Variants in VAV2 observed in about 807,000 individuals in gnomAD.
VAV2 encodes the protein guanine nucleotide exchange factor VAV2.
Under a neutral mutation model 132.5 loss-of-function variants are expected in VAV2, and 67 were observed. That is an observed-to-expected ratio of 0.51 (90% confidence interval 0.42 to 0.62). The LOEUF (loss-of-function observed/expected upper bound fraction) is 0.62, where lower values mean the gene tolerates loss of function less well. VAV2 is among the 20% of genes least tolerant of loss of function. The probability of loss-of-function intolerance (pLI) is 0.00; values close to 1 mark genes in which losing one functional copy is unlikely to be tolerated. For missense variants in VAV2, 938 were observed against 1,153.6 expected, an observed-to-expected ratio of 0.81 and a Z score of 2.71; for synonymous variants, 492 against 443.5, an observed-to-expected ratio of 1.11 and a Z score of -1.37.
rs138916685 is a variant in VAV2, at chr9:133,763,876, G to A, written c.*186C>T. ...ACAATAGCATACCCAGTGATGGGTC[G>A]CCGAGGGCAGGCTGACAGTGAAACG... On this transcript the variant is annotated 3_prime_UTR_variant, in exon 30 of 30. Coordinates refer to ENST00000371850, the MANE Select transcript of VAV2 (RefSeq NM_001134398.2). This position sits in a 1 kb window ranked among gnomAD's most constrained non-coding sequence, Gnocchi z 6.8. 115 of 687,596 alleles carry A rather than the reference G, an allele frequency of 1.7e-4. No homozygotes were observed. Among genetic ancestry groups the A allele is most frequent in the South Asian group, 6.2e-4 (35 of 56,038 alleles). The allele number at this position is 687,596 out of a possible 1,614,324, so 42.6% of individuals were successfully genotyped here.
intron 1 of VAV2, among the ~76,000 whole-genome samples, chr9:133,982,484 G>A (rs904998378): frequency 2.6e-5 from 4 of 151,022 alleles, no homozygotes; most frequent in East Asian, 2.0e-4. Flanking sequence ...CCCCAAGAGG[G>A]GGCCTAGGAT....
At position 133,973,514 on chromosome 9, in the gene VAV2, G is replaced by A. The variant is rs147715595; in HGVS notation, c.204+18561C>T. Among the ~76,000 whole-genome samples the A allele has an allele frequency of 9.9e-5, 15 of 152,166 alleles. 1 individual carries two copies. The highest frequency in any genetic ancestry group is 4.4e-5 in the Non-Finnish European group (3 of 68,038). On this transcript the variant is annotated intron_variant, in intron 1 of 29. Coordinates refer to ENST00000371850, the MANE Select transcript of VAV2 (RefSeq NM_001134398.2). ...CTCTCCCCGGAAGGCCATCTGCAAA[G>A]GGCAGCGGTGCAGAAAACCACTCCC...
intron 2 of VAV2, among the ~76,000 whole-genome samples, chr9:133,866,173 C>G (rs1420388530): frequency 6.6e-6 from 1 of 152,216 alleles, no homozygotes; most frequent in Non-Finnish European, 1.5e-5. Flanking sequence ...GGGTGGGGAG[C>G]CAAGCTGGCC....
Position 133,863,418 on chromosome 9 carries a change from C to G in VAV2, c.322-1986G>C, listed in dbSNP as rs1338826797. On this transcript the variant is annotated intron_variant, in intron 2 of 29. Coordinates refer to ENST00000371850, the MANE Select transcript of VAV2 (RefSeq NM_001134398.2). This position sits in a 1 kb window ranked among gnomAD's most constrained non-coding sequence, Gnocchi z 5.0. ...TCAGCGCAAAGGCCCCAGGTCGGGT[C>G]GTACAGATGGAACCGGGTCGTACAG... 7.2e-6 allele frequency among the ~76,000 whole-genome samples: 1 copy of G among 138,918 alleles called. No homozygotes were observed. The highest frequency in any genetic ancestry group is 1.5e-5 in the Non-Finnish European group (1 of 67,376). The allele number at this position is 138,918 out of a possible 152,430, so 91.1% of individuals were successfully genotyped here.
chr9:133,944,260 T>C (rs961634119), intron 1 of VAV2, among the ~76,000 whole-genome samples: 2 of 151,450 alleles, frequency 1.3e-5, no homozygotes, highest in Non-Finnish European at 2.9e-5. Context: ...TGCCCCTTAC[T>C]GGCAACGGGT....
At chr9:133,905,084 G>A (rs1839592900) in intron 2 of VAV2, among the ~76,000 whole-genome samples, 1 of 152,148 alleles carries the variant, frequency 6.6e-6, no homozygotes, top group Non-Finnish European at 1.5e-5. Flanking sequence ...CAGCTGCCCT[G>A]TGCAAAGTCA....
rs774443032 is a variant in VAV2, at chr9:133,770,417, G to A, written c.2308C>T (p.Arg770Trp). Residue 770 changes from arginine to tryptophan, a missense_variant, in exon 27 of 30, where the codon CGG becomes TGG. Coordinates refer to ENST00000371850, the MANE Select transcript of VAV2 (RefSeq NM_001134398.2). ...GAGGCCCTGGAGGCCGAACGTTCCC[G>A]GGACTTGTAGGGGTACTTGAGTGTG... ...DTTLKYPYKSRERSASRASSR... is the reference protein window; with the variant it reads ...DTTLKYPYKSWERSASRASSR... The A allele has an allele frequency of 2.4e-5, 39 of 1,614,022 alleles. No individual in the cohort carries two copies. Among genetic ancestry groups the A allele is most frequent in the African/African-American group, 1.7e-4 (13 of 74,936 alleles).
intron 2 of VAV2, among the ~76,000 whole-genome samples, chr9:133,921,138 C>A (rs1380982515): frequency 6.6e-6 from 1 of 152,184 alleles, no homozygotes; most frequent in Non-Finnish European, 1.5e-5. Flanking sequence ...GGGGAGACGG[C>A]GGGGGATACA....
At chr9:133,837,011 G>A (rs1239665945) in intron 3 of VAV2, among the ~76,000 whole-genome samples, 5 of 152,224 alleles carry the variant, frequency 3.3e-5, no homozygotes, top group African/African-American at 4.8e-5. Flanking sequence ...GGGCAGCGAA[G>A]GAGAGGAAAG....
intron 2 of VAV2, among the ~76,000 whole-genome samples, chr9:133,910,646 TAA>T (rs377220826): frequency 0.7 from 97,166 of 138,460 alleles, 35,553 homozygotes; most frequent in East Asian, 0.9. Context: ...CCGACTCTAC[TAA>T]AAAAAAAAAA....
rs138702002 is a variant in VAV2 at position 133,971,914 on chromosome 9, C to T, written c.204+20161G>A. Among the ~76,000 whole-genome samples the T allele has an allele frequency of 3.7e-3, 559 of 152,242 alleles. 3 individuals carry two copies. Among genetic ancestry groups the T allele is most frequent in the Non-Finnish European group, 6.2e-3 (421 of 68,008 alleles). On this transcript the variant is annotated intron_variant, in intron 1 of 29. Coordinates refer to ENST00000371850, the MANE Select transcript of VAV2 (RefSeq NM_001134398.2). ...AAAGGCCCCTGGGGCTGCAGATCCCCGAGCCCTTGGTCACTTCAAAGGGCA... is the reference window on the plus strand; with the variant it reads ...AAAGGCCCCTGGGGCTGCAGATCCCTGAGCCCTTGGTCACTTCAAAGGGCA...
intron 4 of VAV2, among the ~76,000 whole-genome samples, chr9:133,832,620 G>A (rs923467537): frequency 1.4e-4 from 22 of 151,942 alleles, no homozygotes; most frequent in South Asian, 6.2e-4. Context: ...GTGCAGTGGC[G>A]CAATCTTGGC....
intron 2 of VAV2, among the ~76,000 whole-genome samples, chr9:133,862,961 G>A (rs966062245): frequency 2.6e-5 from 4 of 152,190 alleles, no homozygotes; most frequent in African/African-American, 4.8e-5. Context: ...ATTCGGGACC[G>A]GCGCTCAGGG....
intron 3 of VAV2, among the ~76,000 whole-genome samples, chr9:133,853,414 T>C (rs1837262947): frequency 6.6e-6 from 1 of 151,982 alleles, no homozygotes; most frequent in Non-Finnish European, 1.5e-5. Context: ...GGAAAAGGAA[T>C]CCCTCAGGCA....
At chr9:133,903,213 A>G (rs1839512820) in intron 2 of VAV2, among the ~76,000 whole-genome samples, 1 of 152,028 alleles carries the variant, frequency 6.6e-6, no homozygotes, top group African/African-American at 2.4e-5. Context: ...TGTGCCCCAG[A>G]AGGCACCAGC....
intron 2 of VAV2, among the ~76,000 whole-genome samples, chr9:133,917,745 T>C (rs1379488623): frequency 6.6e-6 from 1 of 152,224 alleles, no homozygotes; most frequent in Admixed American, 6.5e-5. Flanking sequence ...GCTGGTCCCA[T>C]CTGACACTGA....
rs754908782 is a variant in VAV2 at position 133,797,700 on chromosome 9, C to A, written c.936+10G>T. The A allele has an allele frequency of 1.2e-6, 2 of 1,612,168 alleles. No homozygotes were observed. The highest frequency in any genetic ancestry group is 3.3e-5 in the Admixed American group (2 of 59,830). ...AGCCAGGGCCAGGGCCAACGCCTGG[C>A]AGGACTTACCTCGACTTTCTGCCTG... On this transcript the variant is annotated intron_variant, in intron 10 of 29. Coordinates refer to ENST00000371850, the MANE Select transcript of VAV2 (RefSeq NM_001134398.2).
intron 1 of VAV2, among the ~76,000 whole-genome samples, chr9:133,953,613 C>T (rs1841640959): frequency 6.6e-6 from 1 of 152,170 alleles, no homozygotes; most frequent in Non-Finnish European, 1.5e-5. Context: ...TCAGGAAGCA[C>T]TTGTGTGGAA....
chr9:133,943,306 A>G (rs1180178230), intron 1 of VAV2, among the ~76,000 whole-genome samples: 1 of 152,198 alleles, frequency 6.6e-6, no homozygotes, highest in African/African-American at 2.4e-5. Context: ...AGGTTGCTGC[A>G]GGTGCATCAT....
Sources: allele counts gnomAD v4.1 joint callset (sites outside exome capture counted in the v4.1 genomes callset), GRCh38; gene constraint gnomAD v4.1.1; non-coding constraint Gnocchi (gnomAD v3.1); transcripts MANE v1.5; gene names NCBI Gene and HGNC (gene_info 2026-07-23, HGNC 2026-07-21).